PKD1L1: variants seen among roughly 807,000 people sequenced by gnomAD.
The protein encoded by PKD1L1 is polycystin 1 like 1, transient receptor potential channel interacting, also known as polycystin-1-like protein 1.
In PKD1L1, 236 loss-of-function variants were observed where a neutral mutation model predicts 323.4. The observed-to-expected ratio is 0.73, with a 90% CI of 0.66 to 0.81. PKD1L1 has a LOEUF of 0.81. Among genes scored for constraint, PKD1L1 ranks in the 40% least tolerant of loss-of-function variants. The pLI, the probability that PKD1L1 is intolerant of heterozygous loss-of-function variation, is 0.00. For synonymous variants in PKD1L1, 1,344 were observed against 1,335.0 expected, an observed-to-expected ratio of 1.01 and a Z score of -0.15; for missense variants, 3,320 against 3,508.0, an observed-to-expected ratio of 0.95 and a Z score of 1.35.
rs184732708 is a variant in PKD1L1 at position 47,940,880 on chromosome 7, C to T, written c.161-563G>A. Among the ~76,000 whole-genome samples, 202 of 152,290 alleles carry T rather than the reference C, an allele frequency of 1.3e-3. 1 individual carries two copies. The highest frequency in any genetic ancestry group is 4.8e-3 in the African/African-American group (198 of 41,568). On this transcript the variant is annotated intron_variant, in intron 2 of 56. Coordinates refer to ENST00000289672, the MANE Select transcript of PKD1L1 (RefSeq NM_138295.5). The stretch of plus-strand genomic sequence containing the variant: ...GTCCACCCGGCTGGGAGGCTGAGGG[C>T]CCTGCCACATCCCATGTCTGTGAGA...
intron 18 of PKD1L1, among the ~76,000 whole-genome samples, chr7:47,885,343 G>A (rs1033387720): frequency 1.3e-5 from 2 of 152,136 alleles, no homozygotes; most frequent in African/African-American, 4.8e-5. Context: ...CCATCCCCCT[G>A]AAACCCAATG....
At position 47,887,978 on chromosome 7, in the gene PKD1L1, A is replaced by C. The variant is rs779585801; in HGVS notation, c.2836+12T>G. ...CCTCAGAAAACAAAATAAAGCTATT[A>C]ATCCTTTTTACCTTCTATCCTATTC... is the stretch of plus-strand genomic sequence containing the variant. On this transcript the variant is annotated intron_variant, in intron 17 of 56. Coordinates refer to ENST00000289672, the MANE Select transcript of PKD1L1 (RefSeq NM_138295.5). 3.8e-6 allele frequency: 6 copies of C among 1,597,588 alleles called. No homozygotes were observed. In the East Asian group the frequency reaches 9.0e-5, roughly 24 times the overall value.
At chr7:47,886,501 G>A (rs1303739051) in intron 17 of PKD1L1, among the ~76,000 whole-genome samples, 1 of 152,154 alleles carries the variant, frequency 6.6e-6, no homozygotes, top group Non-Finnish European at 1.5e-5. Context: ...AGTGTTGGAG[G>A]GGGAGCCTGG....
intron 25 of PKD1L1, among the ~76,000 whole-genome samples, chr7:47,865,914 A>T (rs796963987): frequency 1.4e-5 from 1 of 70,426 alleles, no homozygotes; most frequent in Non-Finnish European, 2.9e-5. Context: ...CAACATTTTT[A>T]AAAAGAGGAA....
chr7:47,815,783 C>T (rs1281406948), intron 46 of PKD1L1, among the ~76,000 whole-genome samples: 2 of 152,108 alleles, frequency 1.3e-5, no homozygotes, highest in African/African-American at 4.8e-5. Flanking sequence ...TCTCTGCCCT[C>T]CTATGGGGAA....
chr7:47,867,981 CTT>C (rs1210538631), intron 24 of PKD1L1, among the ~76,000 whole-genome samples: 1 of 152,168 alleles, frequency 6.6e-6, no homozygotes, highest in Non-Finnish European at 1.5e-5. Flanking sequence ...CATGAATTAT[CTT>C]TTTCTCTCTT....
intron 24 of PKD1L1, among the ~76,000 whole-genome samples, chr7:47,870,924 G>A (rs1786267695): frequency 7.3e-6 from 1 of 137,274 alleles, no homozygotes; most frequent in African/African-American, 2.8e-5. Flanking sequence ...AGTGAGCCAT[G>A]ATCATGCCAC....
At chr7:47,907,370 T>C (rs1434046775) in intron 9 of PKD1L1, among the ~76,000 whole-genome samples, 2 of 152,182 alleles carry the variant, frequency 1.3e-5, no homozygotes, top group Admixed American at 6.5e-5. Context: ...ATTTGCTTTG[T>C]TGCAAAGTGT....
intron 54 of PKD1L1, among the ~76,000 whole-genome samples, chr7:47,798,605 A>ATTAGCTGGG (rs1784593295): frequency 6.6e-6 from 1 of 152,076 alleles, no homozygotes; most frequent in East Asian, 1.9e-4. Context: ...AAAATACAAA[A>ATTAGCTGGG]TTAGCTGGGT....
At chr7:47,927,202 C>T (rs1407190428) in intron 7 of PKD1L1, among the ~76,000 whole-genome samples, 2 of 150,698 alleles carry the variant, frequency 1.3e-5, no homozygotes, top group African/African-American at 4.9e-5. Flanking sequence ...TTAAAAATTC[C>T]TACATGAAAA....
At chr7:47,861,897 A>AC (rs1786037078) in intron 26 of PKD1L1, among the ~76,000 whole-genome samples, 1 of 144,598 alleles carries the variant, frequency 6.9e-6, no homozygotes, top group African/African-American at 2.6e-5. Flanking sequence ...AAAAAAAAAA[A>AC]AAAAAAAAAC....
At chr7:47,855,076 C>T in intron 29 of PKD1L1, 37 bp from the exon 30 acceptor site, 2 of 1,607,612 alleles carry the variant, frequency 1.2e-6, no homozygotes, top group South Asian at 1.1e-5. Context: ...GCAAAATTTG[C>T]CTTTGGTAAA....
At chr7:47,889,329 C>T (rs1786757251) in intron 16 of PKD1L1, among the ~76,000 whole-genome samples, 1 of 152,102 alleles carries the variant, frequency 6.6e-6, no homozygotes, top group Non-Finnish European at 1.5e-5. Flanking sequence ...GTATATAGTA[C>T]ATTATATTTT....
In PKD1L1 at chr7:47,817,657, C is replaced by G. The variant is rs116320829; in HGVS notation, c.6966-2200G>C. On this transcript the variant is annotated intron_variant, in intron 46 of 56. Transcript: ENST00000289672. ...GCCGAGGTGAGTAGATCACTTGAGG[C>G]CAGGAATTTGAGACCAGCCTGGCCA... Among the ~76,000 whole-genome samples, 593 of 152,146 alleles carry G rather than the reference C, an allele frequency of 3.9e-3. 4 individuals are homozygous for G. The highest frequency in any genetic ancestry group is 0.014 in the African/African-American group (570 of 41,506).
chr7:47,947,536 G>A (rs1238415514), intron 1 of PKD1L1, among the ~76,000 whole-genome samples: 3 of 152,222 alleles, frequency 2.0e-5, no homozygotes, highest in East Asian at 1.9e-4. Context: ...CTGGCCTCAC[G>A]CCCAGGAAAG....
rs2128736331 is a variant in PKD1L1 at position 47,834,956 on chromosome 7, T to C, written c.6127+11A>G. 6.2e-7 allele frequency: 1 copy of C among 1,611,662 alleles called. No individual in the cohort carries two copies. The highest frequency in any genetic ancestry group is 8.5e-7 in the Non-Finnish European group (1 of 1,178,114). ...CACGGAGAGTTTCTGAGAGTTTTAA[T>C]GTACATTTACCATGGGGTGCCTCGG... On this transcript the variant is annotated intron_variant, in intron 39 of 56. Transcript: ENST00000289672.
At position 47,858,779 on chromosome 7, in the gene PKD1L1, A is replaced by G; in HGVS notation, c.4256T>C (p.Leu1419Pro). 6.2e-7 allele frequency: 1 copy of G among 1,614,202 alleles called. No individual in the cohort carries two copies. Among genetic ancestry groups the G allele is most frequent in the Non-Finnish European group, 8.5e-7 (1 of 1,180,022 alleles). The change falls in exon 27 of 57, where the codon CTC becomes CCC. Residue 1419 changes from leucine to proline, a missense_variant. By Grantham distance (98) the Leu-to-Pro change is moderately conservative (BLOSUM62 -3). Coordinates refer to ENST00000289672, the MANE Select transcript of PKD1L1 (RefSeq NM_138295.5). ...CCAGACTCTGGATATGAGACCGATG[A>G]GCTCAAGCCTCACTCCTTTGTCAAT... ...FVIDKGVRLE[L>P]IGLISRVWEV...
At chr7:47,958,930 TCCTGCCTCAG>T in the PKD1L1 span, among the ~76,000 whole-genome samples, 1 of 152,326 alleles carries the variant, frequency 6.6e-6, no homozygotes, top group East Asian at 1.9e-4. Context: ...TGCCTGATTC[TCCTGCCTCAG>T]CCTGCCGAGT....
chr7:47,841,197 A>T (rs993311855), intron 34 of PKD1L1, among the ~76,000 whole-genome samples: 15 of 152,266 alleles, frequency 9.9e-5, no homozygotes, highest in African/African-American at 3.6e-4. Flanking sequence ...TCTGGAGTTC[A>T]TTTTTTGTGT....
Sources: gnomAD v4.1 joint callset for allele counts (sites outside exome capture counted in the v4.1 genomes callset) on GRCh38, gnomAD v4.1.1 for gene constraint, MANE v1.5 for transcripts, NCBI Gene and HGNC (gene_info 2026-07-23, HGNC 2026-07-21) for gene names.